Variants in KHDRBS2 observed in about 807,000 individuals in gnomAD.
The protein encoded by KHDRBS2 is KH domain-containing, RNA-binding, signal transduction-associated protein 2.
KHDRBS2 carries 26 observed loss-of-function variants against 44.3 expected under a neutral mutation model. The ratio of observed to expected loss-of-function variants is 0.59; its 90% CI spans 0.43 to 0.81. The LOEUF is 0.81. Ranked by LOEUF, KHDRBS2 falls within the 40% of genes least tolerant of loss-of-function variation. The pLI is 0.00. For missense variants in KHDRBS2, 476 were observed against 433.1 expected, an observed-to-expected ratio of 1.10 and a Z score of -0.88; for synonymous variants, 194 against 151.1, an observed-to-expected ratio of 1.28 and a Z score of -2.08.
At chr6:61,571,266 AG>A in the KHDRBS2 span, among the ~76,000 whole-genome samples, 1 of 152,128 alleles carries the variant, frequency 6.6e-6, no homozygotes, top group Non-Finnish European at 1.5e-5. Context: ...ATGCAGAAGT[AG>A]CTATTCTTAT....
chr6:62,050,665 A>T (rs1305803763), intron 2 of KHDRBS2, among the ~76,000 whole-genome samples: 1 of 152,034 alleles, frequency 6.6e-6, no homozygotes, highest in African/African-American at 2.4e-5. Flanking sequence ...GCTGATGAAG[A>T]TGTGTAATTA....
intron 6 of KHDRBS2, among the ~76,000 whole-genome samples, chr6:61,871,254 A>G (rs1798616441): frequency 6.6e-6 from 1 of 152,212 alleles, no homozygotes; most frequent in Non-Finnish European, 1.5e-5. Flanking sequence ...AAGAAAGGAT[A>G]TCAGAGATTG....
chr6:62,064,362 A>G (rs200057295), intron 2 of KHDRBS2, among the ~76,000 whole-genome samples: 27,812 of 144,370 alleles, frequency 0.19, 3,068 homozygotes, highest in Admixed American at 0.3. Context: ...GAGGCATCAC[A>G]CTACCTGACT....
At chr6:61,861,823 T>C (rs115831627) in intron 6 of KHDRBS2, among the ~76,000 whole-genome samples, 181 of 152,290 alleles carry the variant, frequency 1.2e-3, no homozygotes, top group Non-Finnish European at 2.1e-3. Context: ...ATTTTCACGA[T>C]AGTGATCCTT....
At chr6:61,847,908 AT>A (rs35517279) in intron 6 of KHDRBS2, among the ~76,000 whole-genome samples, 49,792 of 151,846 alleles carry the variant, frequency 0.33, 8,529 homozygotes, top group African/African-American at 0.43. Context: ...CTTTAAAATG[AT>A]TTTTTCTGCT....
chr6:62,283,701 C>G (rs1414894989), intron 1 of KHDRBS2, among the ~76,000 whole-genome samples: 1 of 152,078 alleles, frequency 6.6e-6, no homozygotes, highest in Non-Finnish European at 1.5e-5. Flanking sequence ...ATCTTGGCAA[C>G]TGGCCTTTGG....
intron 3 of KHDRBS2, among the ~76,000 whole-genome samples, chr6:61,996,806 T>C: frequency 8.8e-6 from 1 of 113,560 alleles, no homozygotes; most frequent in Non-Finnish European, 1.7e-5. Flanking sequence ...CCCCCCGAGA[T>C]AGAGTCTTGC....
chr6:62,018,089 CAAT>C (rs1396735586), intron 3 of KHDRBS2, among the ~76,000 whole-genome samples: 1 of 150,708 alleles, frequency 6.6e-6, no homozygotes, highest in South Asian at 2.1e-4. Context: ...AATAAAAGAA[CAAT>C]AATAGCTAAC....
chr6:61,821,823 TTC>T (rs987203178), intron 6 of KHDRBS2, among the ~76,000 whole-genome samples: 1 of 151,932 alleles, frequency 6.6e-6, no homozygotes, highest in Non-Finnish European at 1.5e-5. Context: ...TGACTGGTAT[TTC>T]TGTTAGAGTA....
intron 7 of KHDRBS2, among the ~76,000 whole-genome samples, chr6:61,708,188 T>C (rs1283118833): frequency 1.3e-5 from 2 of 151,614 alleles, no homozygotes; most frequent in African/African-American, 2.4e-5. Flanking sequence ...TTCAGTTTCC[T>C]TACATTCACA....
In KHDRBS2 at chr6:62,211,493, T is replaced by C. The variant is rs575360011; in HGVS notation, c.92-34181A>G. ...AATAAAAGTTATTTGTATATCTATA[T>C]TGTCAGTTGGGTCACATTAACATTA... On this transcript the variant is annotated intron_variant, in intron 1 of 8. Transcript: ENST00000281156. Among the ~76,000 whole-genome samples the C allele has an allele frequency of 2.0e-5, 3 of 152,340 alleles. No homozygotes were observed. The South Asian group carries it at 6.2e-4, about 32-fold the overall frequency.
chr6:61,731,269 G>A (rs1326684636), intron 7 of KHDRBS2, among the ~76,000 whole-genome samples: 1 of 150,992 alleles, frequency 6.6e-6, no homozygotes, highest in Non-Finnish European at 1.5e-5. Context: ...AAGCCTAAAT[G>A]ACTGTGTTGT....
the KHDRBS2 span, among the ~76,000 whole-genome samples, chr6:61,617,718 A>C: frequency 6.6e-6 from 1 of 152,172 alleles, no homozygotes; most frequent in African/African-American, 2.4e-5. Flanking sequence ...AATTTAACAA[A>C]GAATTGTGTC....
At chr6:61,866,951 C>T (rs764945996) in intron 6 of KHDRBS2, among the ~76,000 whole-genome samples, 2 of 152,154 alleles carry the variant, frequency 1.3e-5, no homozygotes, top group South Asian at 4.1e-4. Flanking sequence ...AGCTATTCAA[C>T]AAGTCTCTAG....
At chr6:61,797,784 A>G (rs1391991746) in intron 6 of KHDRBS2, among the ~76,000 whole-genome samples, 1 of 149,914 alleles carries the variant, frequency 6.7e-6, no homozygotes, top group Non-Finnish European at 1.5e-5. Context: ...TATCGTATAT[A>G]ATTTATATAT....
chr6:62,069,249 A>G (rs1285121348), intron 2 of KHDRBS2, among the ~76,000 whole-genome samples: 3 of 151,708 alleles, frequency 2.0e-5, no homozygotes, highest in African/African-American at 7.2e-5. Flanking sequence ...CATATGTGTT[A>G]TATTCTGTAT....
chr6:62,168,345 T>C (rs1819128637), intron 2 of KHDRBS2, among the ~76,000 whole-genome samples: 1 of 152,136 alleles, frequency 6.6e-6, no homozygotes, highest in Non-Finnish European at 1.5e-5. Flanking sequence ...TTTCACAGAA[T>C]TCTAAAAGTA....
At chr6:62,197,573 C>G (rs1300135809) in intron 1 of KHDRBS2, among the ~76,000 whole-genome samples, 1 of 152,042 alleles carries the variant, frequency 6.6e-6, no homozygotes, top group Admixed American at 6.6e-5. Context: ...TTCCTGAACC[C>G]AGTTTTTCAG....
At chr6:61,833,038 T>C (rs1161036867) in intron 6 of KHDRBS2, among the ~76,000 whole-genome samples, 2 of 152,212 alleles carry the variant, frequency 1.3e-5, no homozygotes, top group African/African-American at 4.8e-5. Flanking sequence ...GATCCTTACT[T>C]ATATGCACAA....
Sources: allele counts gnomAD v4.1 joint callset (sites outside exome capture counted in the v4.1 genomes callset), GRCh38; gene constraint gnomAD v4.1.1; transcripts MANE v1.5; gene names NCBI Gene and HGNC (gene_info 2026-07-23, HGNC 2026-07-21).